Variants in MUC17 observed in about 807,000 individuals in gnomAD.
The protein encoded by MUC17 is mucin-17.
A neutral mutation model predicts 170.3 loss-of-function variants in MUC17; 190 were observed. That is an observed-to-expected ratio of 1.12 (90% CI 0.99 to 1.26). The LOEUF (loss-of-function observed/expected upper bound fraction) is 1.26. Ranked by LOEUF, MUC17 falls within the 50% of genes most tolerant of loss-of-function variation. MUC17 has a pLI of 0.00. For missense variants in MUC17, 6,415 were observed against 5,530.0 expected (o/e 1.16, Z -5.08); for synonymous variants, 2,325 against 2,002.5 (o/e 1.16, Z -4.30).
chr7:101,056,220 A>C lies in MUC17; in HGVS notation c.13390A>C (p.Ile4464Leu). 6.2e-7 allele frequency: 1 copy of C among 1,613,996 alleles called. No homozygotes were observed. Among genetic ancestry groups the C allele is most frequent in the Non-Finnish European group, 8.5e-7 (1 of 1,179,932 alleles). The change falls in exon 12 of 13, where the codon ATC (isoleucine) becomes CTC (leucine). Residue 4464 changes from isoleucine to leucine, a missense_variant. Coordinates refer to ENST00000306151, the MANE Select transcript of MUC17 (RefSeq NM_001040105.2). ...QDDDSIHLESIYSNFQPSLRH... is the reference protein window; with the variant it reads ...QDDDSIHLESLYSNFQPSLRH... ...TGATGATTCCATCCACCTGGAGTCC[A>C]TCTATAGTAATTTCCAGCCCTCCTT...
rs1396074584 is a variant in MUC17 at position 101,038,365 on chromosome 7, A to G, written c.6949A>G (p.Ser2317Gly). The G allele has an allele frequency of 2.5e-6, 4 of 1,611,830 alleles. No homozygotes were observed. Among genetic ancestry groups the G allele is most frequent in the Non-Finnish European group, 3.4e-6 (4 of 1,179,466 alleles). The change falls in exon 3 of 13, where the codon AGT becomes GGT. Residue 2317 changes from serine to glycine, a missense_variant. Coordinates refer to ENST00000306151, the MANE Select transcript of MUC17 (RefSeq NM_001040105.2). ...TCCTTTCACTACTTCTACTGAAGCC[A>G]GTTCACCTCCTCCCACTGCTGAAGG... is the stretch of plus-strand genomic sequence containing the variant. ...NTPFTTSTEA[S>G]SPPPTAEGTS...
rs148582881 is a variant in MUC17 at position 101,043,673 on chromosome 7, C to G, written c.12257C>G (p.Pro4086Arg). Residue 4086 changes from proline (P) to arginine (R), a missense_variant, in exon 3 of 13, where the codon CCT becomes CGT. Pro to Arg is a moderately radical substitution (Grantham distance 103). Transcript: ENST00000306151. Reference protein sequence around the residue: ...TTSASSTTVNPEAVTTMTTRT... With the variant: ...TTSASSTTVNREAVTTMTTRT... The stretch of plus-strand genomic sequence containing the variant: ...TCTGCCTCCTCCACGACTGTGAACC[C>G]TGAGGCTGTCACCACCATGACCACC... 1.8e-5 allele frequency: 29 copies of G among 1,614,176 alleles called. No individual in the cohort carries two copies. In the African/African-American group the frequency reaches 3.1e-4, roughly 17 times the overall value.
intron 9 of MUC17, 67 bp from the exon 10 acceptor site, chr7:101,052,919 G>T (rs1794975373): frequency 1.9e-6 from 3 of 1,556,158 alleles, no homozygotes; most frequent in South Asian, 2.5e-5. Context: ...ACTGGGCAGG[G>T]CCCAGGTCTG....
chr7:101,053,255 C>T (rs1298065902), intron 10 of MUC17, 84 bp from the exon 11 acceptor site: 1 of 1,582,334 alleles, frequency 6.3e-7, no homozygotes, highest in African/African-American at 1.3e-5. Context: ...GCGGGGGCAG[C>T]TAAAAATGGG....
At chr7:101,048,581 AC>A (rs1264454247) in intron 4 of MUC17, among the ~76,000 whole-genome samples, 2 of 151,654 alleles carry the variant, frequency 1.3e-5, no homozygotes, top group African/African-American at 4.9e-5. Flanking sequence ...GAGCAACAGA[AC>A]AATACCCTGT....
rs1016852643 is a variant in MUC17 at position 101,037,839 on chromosome 7, A to G, written c.6423A>G (p.Ser2141=). The change falls in exon 3 of 13, where the codon TCA becomes TCG. Residue 2141 remains serine (S), a synonymous_variant. Transcript: ENST00000306151. The part of the protein sequence containing the change: ...SPVITSTEVS[S]SPIPTEGTSM... ...TGATCACTTCTACTGAAGTCAGTTC[A>G]TCTCCTATACCTACTGAAGGTACCA... 4 of 1,613,734 alleles carry G rather than the reference A, an allele frequency of 2.5e-6. No individual in the cohort carries two copies. The African/African-American group carries it at 4.0e-5, about 16-fold the overall frequency.
At position 101,031,206 on chromosome 7, in the gene MUC17, C is replaced by T. The variant is rs906646298; in HGVS notation, c.169C>T (p.Gln57Ter). 1.2e-5 allele frequency: 20 copies of T among 1,613,344 alleles called. No individual in the cohort carries two copies. The highest frequency in any genetic ancestry group is 1.7e-5 in the Non-Finnish European group (20 of 1,179,732). The change falls in exon 2 of 13, where the codon CAG becomes TAG. Residue 57 changes from glutamine (Q) to a stop codon, truncating the protein, a stop_gained. Coordinates refer to ENST00000306151, the MANE Select transcript of MUC17 (RefSeq NM_001040105.2). LOFTEE classifies it high-confidence loss of function. ...VLNRQCQQLS[Q>*]HVRTGSAANT... ...GAACCGTCAGTGCCAGCAGCTGTCT[C>T]AGCACGTTAGGACAGGTAAGGCAAC...
rs201025282 is a variant in MUC17 at position 101,036,695 on chromosome 7, C to T, written c.5279C>T (p.Pro1760Leu). The T allele has an allele frequency of 1.4e-4, 229 of 1,612,838 alleles. No individual in the cohort carries two copies. Among genetic ancestry groups the T allele is most frequent in the Non-Finnish European group, 7.8e-5 (92 of 1,179,628 alleles). ...PLTSIPVSTT[P>L]VLSSEASTLS... ...ACAAGTATACCTGTCAGCACCACGC[C>T]GGTACTCAGTTCTGAGGCTAGCACC... Residue 1760 changes from proline (P) to leucine (L), a missense_variant, in exon 3 of 13, where the codon CCG becomes CTG. Pro to Leu is a moderately conservative substitution (Grantham distance 98). Coordinates refer to ENST00000306151, the MANE Select transcript of MUC17 (RefSeq NM_001040105.2).
At chr7:101,049,175 A>G in intron 5 of MUC17, 149 bp from the exon 6 acceptor site, 3 of 1,386,020 alleles carry the variant, frequency 2.2e-6, no homozygotes, top group Non-Finnish European at 3.0e-6. Context: ...CCTGGGGTGG[A>G]GCAGGTCTCT....
Position 101,039,052 on chromosome 7 carries a change from G to T in MUC17, c.7636G>T (p.Val2546Leu), listed in dbSNP as rs777726338. The T allele has an allele frequency of 4.6e-5, 74 of 1,613,534 alleles. No homozygotes were observed. The highest frequency in any genetic ancestry group is 5.9e-5 in the Non-Finnish European group (70 of 1,179,936). The part of the protein sequence containing the change: ...STTPVDSNSP[V>L]VTSTEISSSA... ...AACTCCTGTTGACTCCAACAGTCCT[G>T]TGGTCACTTCTACTGAAATCAGTTC... The change falls in exon 3 of 13, where the codon GTG becomes TTG. Residue 2546 changes from valine (V) to leucine (L), a missense_variant. By Grantham distance (32) the Val-to-Leu change is conservative. Transcript: ENST00000306151.
Position 101,040,713 on chromosome 7 carries a change from T to G in MUC17, c.9297T>G (p.Thr3099=). ...PAEGTSMPIS[T]YSEGSTPLTG... is the part of the protein sequence containing the mutation. ...AAGGTACCAGCATGCCAATCTCAAC[T>G]TATAGTGAAGGAAGCACTCCATTAA... The change falls in exon 3 of 13, where the codon ACT becomes ACG. Residue 3099 remains threonine, a synonymous_variant. Transcript: ENST00000306151. 1 of 1,613,110 alleles carries G rather than the reference T, an allele frequency of 6.2e-7. No individual in the cohort carries two copies. The highest frequency in any genetic ancestry group is 1.1e-5 in the South Asian group (1 of 91,044).
intron 1 of MUC17, among the ~76,000 whole-genome samples, chr7:101,020,547 G>T (rs538780447): frequency 6.6e-6 from 1 of 152,086 alleles, no homozygotes; most frequent in South Asian, 2.1e-4. Flanking sequence ...CCCCCCCGAG[G>T]CATGATCCCT....
intron 3 of MUC17, among the ~76,000 whole-genome samples, chr7:101,045,530 A>C (rs1794824861): frequency 6.6e-6 from 1 of 152,084 alleles, no homozygotes; most frequent in African/African-American, 2.4e-5. Flanking sequence ...AGTAGCTGGG[A>C]TTACAGAGCA....
In MUC17 at chr7:101,041,587, AC is replaced by A; in HGVS notation, c.10173del (p.Ser3392GlnfsTer10). ...PTTAEGTSIP[T>X]SSPSEGTTPL... Reference sequence around the variant, plus strand: ...AACTGCTGAAGGTACCAGCATACCAACCTCAAGTCCTAGTGAAGGAACCACT... The same window carrying A: ...AACTGCTGAAGGTACCAGCATACCAACTCAAGTCCTAGTGAAGGAACCACT... On this transcript the variant is annotated frameshift_variant, in exon 3 of 13. Coordinates refer to ENST00000306151, the MANE Select transcript of MUC17 (RefSeq NM_001040105.2). LOFTEE classifies it high-confidence loss of function. 1 of 1,612,554 alleles carries A rather than the reference AC, an allele frequency of 6.2e-7. No individual in the cohort carries two copies. The highest frequency in any genetic ancestry group is 1.1e-5 in the South Asian group (1 of 91,034).
chr7:101,036,821 C>A lies in MUC17; in HGVS notation c.5405C>A (p.Thr1802Asn). ...GAAGGTACCAGCATACCAACCTCGA[C>A]TCTTAGTGAAGGAATGACTCCATTA... ...TAEGTSIPTSTLSEGMTPLTS... is the reference protein window; with the variant it reads ...TAEGTSIPTSNLSEGMTPLTS... Residue 1802 changes from threonine to asparagine, a missense_variant, in exon 3 of 13, where the codon ACT becomes AAT. Coordinates refer to ENST00000306151, the MANE Select transcript of MUC17 (RefSeq NM_001040105.2). 6.2e-7 allele frequency: 1 copy of A among 1,605,694 alleles called. No homozygotes were observed.
chr7:101,046,055 A>C (rs1794834748), intron 3 of MUC17, among the ~76,000 whole-genome samples: 1 of 152,208 alleles, frequency 6.6e-6, no homozygotes, highest in South Asian at 2.1e-4. Flanking sequence ...GGACGTCTTC[A>C]GTAGTGAAAG....
rs76847084 is a variant in MUC17, at chr7:101,035,640, A to T, written c.4224A>T (p.Val1408=). Residue 1408 remains valine, a synonymous_variant, in exon 3 of 13, where the codon GTA becomes GTT. Coordinates refer to ENST00000306151, the MANE Select transcript of MUC17 (RefSeq NM_001040105.2). The part of the protein sequence containing the change: ...LTSIPVSTTP[V]VSSEASTLSA... ...GTATACCTGTCAGCACCACGCCGGT[A>T]GTCAGTTCTGAGGCTAGCACCCTTT... The T allele has an allele frequency of 8.1e-6, 13 of 1,604,942 alleles. No homozygotes were observed. The highest frequency in any genetic ancestry group is 1.0e-5 in the Non-Finnish European group (12 of 1,175,980).
rs746946861 is a variant in MUC17, at chr7:101,037,718, G to A, written c.6302G>A (p.Ser2101Asn). Residue 2101 changes from serine (S) to asparagine (N), a missense_variant, in exon 3 of 13, where the codon AGT becomes AAT. Coordinates refer to ENST00000306151, the MANE Select transcript of MUC17 (RefSeq NM_001040105.2). Reference protein sequence around the residue: ...SMTISAPSEGSPLLTSIPLST... With the variant: ...SMTISAPSEGNPLLTSIPLST... ...ACAATCTCAGCTCCTAGTGAAGGAA[G>A]TCCTCTACTAACAAGTATACCTCTC... The A allele has an allele frequency of 6.2e-7, 1 of 1,613,276 alleles. No individual in the cohort carries two copies. Among genetic ancestry groups the A allele is most frequent in the South Asian group, 1.1e-5 (1 of 90,968 alleles).
Position 101,039,019 on chromosome 7 carries a change from C to A in MUC17, c.7603C>A (p.Leu2535Ile), listed in dbSNP as rs374380111. Residue 2535 changes from leucine (L) to isoleucine (I), a missense_variant, in exon 3 of 13, where the codon CTT becomes ATT. Physicochemically the swap from Leu to Ile is conservative, Grantham distance 5. Transcript: ENST00000306151. ...AGTGGCCAGTCCTGAGGCTAGCACC[C>A]TTTCAACAACTCCTGTTGACTCCAA... ...TPVASPEAST[L>I]STTPVDSNSP... 43 of 1,613,900 alleles carry A rather than the reference C, an allele frequency of 2.7e-5. No homozygotes were observed. The highest frequency in any genetic ancestry group is 3.6e-5 in the Non-Finnish European group (42 of 1,179,964).
Sources: gnomAD v4.1 joint callset for allele counts (sites outside exome capture counted in the v4.1 genomes callset) on GRCh38, gnomAD v4.1.1 for gene constraint, MANE v1.5 for transcripts, NCBI Gene and HGNC (gene_info 2026-07-23, HGNC 2026-07-21) for gene names.